FRMD6: variants seen among roughly 807,000 people sequenced by gnomAD.
The protein encoded by FRMD6 is FERM domain-containing protein 6.
Under a neutral mutation model 73.2 loss-of-function variants are expected in FRMD6, and 37 were observed. The observed-to-expected ratio is 0.51, with a 90% CI of 0.39 to 0.66. The LOEUF (loss-of-function observed/expected upper bound fraction) is 0.66, where lower values mean the gene tolerates loss of function less well. Ranked by LOEUF, FRMD6 falls within the 30% of genes least tolerant of loss-of-function variation. The pLI, the probability that FRMD6 is intolerant of heterozygous loss-of-function variation, is 0.00. For missense variants in FRMD6, 714 were observed against 780.5 expected (o/e 0.91, Z 1.02); for synonymous variants, 273 against 282.2 (o/e 0.97, Z 0.33).
At chr14:51,614,156 G>A (rs1470765430) in intron 2 of FRMD6, among the ~76,000 whole-genome samples, 1 of 152,152 alleles carries the variant, frequency 6.6e-6, no homozygotes, top group South Asian at 2.1e-4. Flanking sequence ...CATAGCTCAT[G>A]AAACACATCT....
At chr14:51,632,957 A>C (rs1244237950) in intron 2 of FRMD6, among the ~76,000 whole-genome samples, 1 of 152,222 alleles carries the variant, frequency 6.6e-6, no homozygotes, top group Non-Finnish European at 1.5e-5. Flanking sequence ...TTATTATTAA[A>C]TTTGTTAGGT....
At chr14:51,520,511 T>A (rs2140293272) in intron 1 of FRMD6, among the ~76,000 whole-genome samples, 1 of 152,330 alleles carries the variant, frequency 6.6e-6, no homozygotes, top group East Asian at 1.9e-4. Context: ...GCTTTATCCT[T>A]AATAGTCAAA....
At chr14:51,521,971 A>G (rs1224746797) in intron 1 of FRMD6, among the ~76,000 whole-genome samples, 5 of 152,166 alleles carry the variant, frequency 3.3e-5, no homozygotes, top group African/African-American at 1.2e-4. Context: ...AGAGCATTGC[A>G]CAGAGCTTAC....
chr14:51,555,554 G>A (rs1283981939), intron 1 of FRMD6, among the ~76,000 whole-genome samples: 2 of 152,124 alleles, frequency 1.3e-5, no homozygotes, highest in Non-Finnish European at 2.9e-5. Context: ...TGTAATCCCG[G>A]CACTTTGGGA....
chr14:51,485,948 C>T (rs1234398848), upstream of FRMD6, among the ~76,000 whole-genome samples: 1 of 152,070 alleles, frequency 6.6e-6, no homozygotes, highest in African/African-American at 2.4e-5. Context: ...GCCTCAGAAT[C>T]CCAGACCTGA....
intron 12 of FRMD6, 54 bp downstream of exon 12, chr14:51,722,134 A>G: frequency 6.3e-7 from 1 of 1,598,050 alleles, no homozygotes; most frequent in South Asian, 1.1e-5. Flanking sequence ...CCAGGACTGA[A>G]AAACACATGC....
intron 2 of FRMD6, among the ~76,000 whole-genome samples, chr14:51,645,640 G>A (rs1892031658): frequency 6.6e-6 from 1 of 151,904 alleles, no homozygotes; most frequent in African/African-American, 2.4e-5. Context: ...TATAGAGATA[G>A]GGTTTCACTA....
Position 51,656,928 on chromosome 14 carries a change from A to G in FRMD6, c.-147+4932A>G, listed in dbSNP as rs577839692. ...GGGTGTTTTCAGATGTTTTCCAACA[A>G]CATTATCTTTGTACATGTTTTATAC... On this transcript the variant is annotated intron_variant, in intron 1 of 13. Coordinates refer to ENST00000344768, the MANE Select transcript of FRMD6 (RefSeq NM_001267046.2). Among the ~76,000 whole-genome samples, 20 of 152,346 alleles carry G rather than the reference A, an allele frequency of 1.3e-4. No individual in the cohort carries two copies. In the South Asian group the frequency reaches 4.1e-3, roughly 32 times the overall value.
At chr14:51,506,513 G>A (rs371180175) in intron 1 of FRMD6, among the ~76,000 whole-genome samples, 5 of 152,198 alleles carry the variant, frequency 3.3e-5, no homozygotes, top group African/African-American at 1.2e-4. Context: ...TCATCAGACT[G>A]GAAGAGATTA....
chr14:51,626,122 C>T (rs181951111), intron 2 of FRMD6, among the ~76,000 whole-genome samples: 106 of 152,306 alleles, frequency 7.0e-4, no homozygotes, highest in Non-Finnish European at 1.2e-3. Context: ...GGTACATACA[C>T]ACCATAGAAT....
Position 51,573,094 on chromosome 14 carries a change from A to G in FRMD6, c.-147+2684A>G, listed in dbSNP as rs113013382. Among the ~76,000 whole-genome samples, 1,295 of 152,280 alleles carry G rather than the reference A, an allele frequency of 8.5e-3. 21 individuals carry two copies. Among genetic ancestry groups the G allele is most frequent in the African/African-American group, 0.028 (1,169 of 41,556 alleles). On this transcript the variant is annotated intron_variant, in intron 2 of 14. Coordinates refer to the FRMD6 transcript ENST00000356218. ...CAGACACAGCTGAGATATAGAAATG[A>G]GGTTGTTTTCTTTGTTGATTTTGGG...
chr14:51,713,609 G>GATA (rs1897075138), intron 9 of FRMD6: 1 of 152,150 alleles, frequency 6.6e-6, no homozygotes, highest in Non-Finnish European at 1.5e-5. Flanking sequence ...CTCCTGCTGG[G>GATA]ATATATAGCT....
intron 2 of FRMD6, among the ~76,000 whole-genome samples, chr14:51,635,558 A>C (rs1891520013): frequency 6.6e-6 from 1 of 152,202 alleles, no homozygotes; most frequent in Non-Finnish European, 1.5e-5. Context: ...AATAATTTTA[A>C]GTGCTCTCAT....
the FRMD6 span, among the ~76,000 whole-genome samples, chr14:51,482,034 T>A: frequency 6.6e-6 from 1 of 152,182 alleles, no homozygotes; most frequent in Non-Finnish European, 1.5e-5. Context: ...CGCTTATTGT[T>A]TTTCAAAAAT....
At chr14:51,663,024 C>T (rs1004140028) in intron 1 of FRMD6, among the ~76,000 whole-genome samples, 1 of 152,058 alleles carries the variant, frequency 6.6e-6, no homozygotes, top group Non-Finnish European at 1.5e-5. Flanking sequence ...GAAAAAAAAG[C>T]TTGTCATTGA....
At chr14:51,627,004 T>C in intron 2 of FRMD6, among the ~76,000 whole-genome samples, 1 of 152,228 alleles carries the variant, frequency 6.6e-6, no homozygotes, top group East Asian at 1.9e-4. Flanking sequence ...GTTTTAAAAC[T>C]ACTTTCACTT....
chr14:51,569,586 C>G (rs61969815), intron 1 of FRMD6, among the ~76,000 whole-genome samples: 18,942 of 146,180 alleles, frequency 0.13, 1,396 homozygotes, highest in Non-Finnish European at 0.16. Flanking sequence ...TCATTGCAGA[C>G]TTGACCTCCC....
At chr14:51,599,054 CTGTCTTTT>C in intron 2 of FRMD6, among the ~76,000 whole-genome samples, 1 of 91,802 alleles carries the variant, frequency 1.1e-5, no homozygotes, top group East Asian at 3.6e-4. Context: ...TTGCCAGTAT[CTGTCTTTT>C]TTTTTTTTTT....
At chr14:51,447,062 G>T in the FRMD6 span, among the ~76,000 whole-genome samples, 2 of 152,120 alleles carry the variant, frequency 1.3e-5, no homozygotes, top group Admixed American at 1.3e-4. Flanking sequence ...ACTCTGTCCC[G>T]ATATGAGTGG....
Sources: allele counts gnomAD v4.1 joint callset (sites outside exome capture counted in the v4.1 genomes callset), GRCh38; gene constraint gnomAD v4.1.1; transcripts MANE v1.5; gene names NCBI Gene and HGNC (gene_info 2026-07-23, HGNC 2026-07-21).